The following NCKAP5 variants were observed in gnomAD, a reference collection of about 807,000 sequenced individuals.
NCKAP5 encodes NCK associated protein 5, also known as nck-associated protein 5.
NCKAP5 carries 92 observed loss-of-function variants against 167.0 expected under a neutral mutation model. The ratio of observed to expected loss-of-function variants is 0.55; its 90% CI spans 0.47 to 0.66. The LOEUF (loss-of-function observed/expected upper bound fraction) is 0.66. Among genes scored for constraint, NCKAP5 ranks in the 30% least tolerant of loss-of-function variants. The pLI, the probability that NCKAP5 is intolerant of heterozygous loss-of-function variation, is 0.00. For missense variants in NCKAP5, 2,378 were observed against 2,315.0 expected (o/e 1.03, Z -0.56); for synonymous variants, 891 against 877.4 (o/e 1.02, Z -0.27).
chr2:133,034,757 A>T (rs1167111251), intron 6 of NCKAP5, among the ~76,000 whole-genome samples: 4 of 152,056 alleles, frequency 2.6e-5, no homozygotes, highest in Admixed American at 2.6e-4. Context: ...AAACTAAAAA[A>T]CATACAATGA....
chr2:133,026,362 C>A (rs2078699222), intron 6 of NCKAP5, among the ~76,000 whole-genome samples: 1 of 144,264 alleles, frequency 6.9e-6, no homozygotes, highest in Non-Finnish European at 1.5e-5. Context: ...TCACAGTCAA[C>A]TAAATCTGTT....
intron 4 of NCKAP5, among the ~76,000 whole-genome samples, chr2:133,261,421 T>A (rs1391249058): frequency 6.6e-6 from 1 of 152,210 alleles, no homozygotes; most frequent in Non-Finnish European, 1.5e-5. Flanking sequence ...AGAAAATATC[T>A]ATTTCACAGA....
At chr2:133,146,303 C>T (rs754880415) in intron 5 of NCKAP5, among the ~76,000 whole-genome samples, 6 of 151,386 alleles carry the variant, frequency 4.0e-5, no homozygotes, top group Non-Finnish European at 8.8e-5. Context: ...GATAAAAAAG[C>T]AAATCTAGAT....
At chr2:132,795,833 A>AAAC (rs1376694055) in intron 12 of NCKAP5, among the ~76,000 whole-genome samples, 7 of 149,836 alleles carry the variant, frequency 4.7e-5, no homozygotes, top group East Asian at 2.0e-4. Flanking sequence ...AAAAAAAAAA[A>AAAC]AAAAACAAAA....
At chr2:133,631,482 C>T in the NCKAP5 span, among the ~76,000 whole-genome samples, 1 of 152,172 alleles carries the variant, frequency 6.6e-6, no homozygotes, top group Non-Finnish European at 1.5e-5. Context: ...AATGTTTCTT[C>T]TATTATCCTG....
chr2:132,809,339 A>G (rs1348892809), intron 11 of NCKAP5, among the ~76,000 whole-genome samples: 1 of 152,112 alleles, frequency 6.6e-6, no homozygotes, highest in African/African-American at 2.4e-5. Context: ...TTCTGTCTTG[A>G]TGACCTGTCT....
At chr2:133,504,565 A>G (rs1682832361) in intron 3 of NCKAP5, among the ~76,000 whole-genome samples, 1 of 152,042 alleles carries the variant, frequency 6.6e-6, no homozygotes, top group East Asian at 2.0e-4. Context: ...CCAATCATGC[A>G]TTTTATCTTT....
At chr2:133,599,015 G>A in the NCKAP5 span, among the ~76,000 whole-genome samples, 3 of 152,214 alleles carry the variant, frequency 2.0e-5, no homozygotes, top group African/African-American at 7.2e-5. Flanking sequence ...GTGTGTCAGT[G>A]TGTCTGCAAA....
At chr2:133,224,008 C>T (rs1332933145) in intron 4 of NCKAP5, among the ~76,000 whole-genome samples, 1 of 152,320 alleles carries the variant, frequency 6.6e-6, no homozygotes, top group African/African-American at 2.4e-5. Context: ...AGTGGCCTGA[C>T]TTTCTGAAGG....
intron 11 of NCKAP5, among the ~76,000 whole-genome samples, chr2:132,809,291 C>T (rs1362975075): frequency 6.6e-6 from 1 of 151,996 alleles, no homozygotes; most frequent in Admixed American, 6.6e-5. Flanking sequence ...TCCATTTGTT[C>T]CAAGGTATAG....
chr2:133,086,976 T>C (rs2081014429), intron 6 of NCKAP5, among the ~76,000 whole-genome samples: 1 of 152,188 alleles, frequency 6.6e-6, no homozygotes, highest in Non-Finnish European at 1.5e-5. Flanking sequence ...TTTAAAAATC[T>C]AGAAAAGTGA....
At chr2:133,595,525 G>A in the NCKAP5 span, among the ~76,000 whole-genome samples, 14 of 151,156 alleles carry the variant, frequency 9.3e-5, no homozygotes, top group Non-Finnish European at 1.9e-4. Context: ...AGATGGCAAA[G>A]CAGGAAACTG....
intron 6 of NCKAP5, among the ~76,000 whole-genome samples, chr2:133,094,580 C>T (rs926596005): frequency 2.6e-5 from 4 of 152,000 alleles, no homozygotes; most frequent in African/African-American, 9.7e-5. Context: ...ATGTGGTGGG[C>T]GGAATTGTCA....
At chr2:133,288,021 G>A (rs1265896514) in intron 4 of NCKAP5, among the ~76,000 whole-genome samples, 1 of 152,060 alleles carries the variant, frequency 6.6e-6, no homozygotes, top group Non-Finnish European at 1.5e-5. Flanking sequence ...ATTTCCATGG[G>A]TATTAGTTTG....
the NCKAP5 span, among the ~76,000 whole-genome samples, chr2:133,611,706 G>C: frequency 1.1e-4 from 17 of 152,242 alleles, no homozygotes; most frequent in African/African-American, 4.1e-4. Context: ...CTCCCTGCAG[G>C]CTCCCACAGG....
intron 3 of NCKAP5, among the ~76,000 whole-genome samples, chr2:133,318,901 T>G (rs1181627182): frequency 6.6e-6 from 1 of 152,178 alleles, no homozygotes; most frequent in African/African-American, 2.4e-5. Context: ...AATTAAGATC[T>G]AATGCAACGG....
the NCKAP5 span, among the ~76,000 whole-genome samples, chr2:133,643,340 A>T: frequency 1.3e-5 from 2 of 152,152 alleles, no homozygotes; most frequent in African/African-American, 4.8e-5. Flanking sequence ...CTACATTTAT[A>T]TTGAATATCT....
chr2:132,951,138 G>A (rs2076174723), intron 8 of NCKAP5, among the ~76,000 whole-genome samples: 1 of 152,124 alleles, frequency 6.6e-6, no homozygotes, highest in Admixed American at 6.5e-5. Context: ...CCACGGACAC[G>A]TGTTACAAGC....
chr2:133,348,515 T>C (rs1230081584), intron 3 of NCKAP5, among the ~76,000 whole-genome samples: 1 of 152,066 alleles, frequency 6.6e-6, no homozygotes, highest in African/African-American at 2.4e-5. Context: ...ACAGCCCTAC[T>C]ATAGCCAACA....
Sources: allele counts gnomAD v4.1 joint callset (sites outside exome capture counted in the v4.1 genomes callset), GRCh38; gene constraint gnomAD v4.1.1; transcripts MANE v1.5; gene names NCBI Gene and HGNC (gene_info 2026-07-23, HGNC 2026-07-21).